Variants in RBBP8NL observed in about 807,000 individuals in gnomAD.
The protein encoded by RBBP8NL is RBBP8 N-terminal like, also known as RBBP8 N-terminal-like protein.
A neutral mutation model predicts 62.2 loss-of-function variants in RBBP8NL; 59 were observed. The observed-to-expected ratio is 0.95, with a 90% CI of 0.77 to 1.18. The LOEUF is 1.18. Ranked by LOEUF, RBBP8NL falls within the 50% of genes most tolerant of loss-of-function variation. The pLI is 0.00. For synonymous variants in RBBP8NL, 412 were observed against 394.1 expected, an observed-to-expected ratio of 1.05 and a Z score of -0.54; for missense variants, 896 against 899.5, an observed-to-expected ratio of 1.00 and a Z score of 0.05.
intron 5 of RBBP8NL, 40 bp from the exon 6 acceptor site, chr20:62,416,276 G>GGGGT: frequency 7.2e-7 from 1 of 1,381,144 alleles, no homozygotes; most frequent in Non-Finnish European, 1.0e-6. Context: ...CAGGGGTTGG[G>GGGGT]GGGGACAGGG....
chr20:62,415,697 G>A (rs750944905), intron 7 of RBBP8NL, 37 bp from the exon 8 acceptor site: 1 of 1,610,698 alleles, frequency 6.2e-7, no homozygotes, highest in Non-Finnish European at 8.5e-7. Flanking sequence ...AGCTTGGGAG[G>A]TGCTCAGAGG....
At chr20:62,416,271 G>A in intron 5 of RBBP8NL, 35 bp from the exon 6 acceptor site, 1 of 1,389,258 alleles carries the variant, frequency 7.2e-7, no homozygotes, top group Non-Finnish European at 1.0e-6. Flanking sequence ...GCAGCCAGGG[G>A]TTGGGGGGGA....
chr20:62,415,209 G>A lies in RBBP8NL; in HGVS notation c.706C>T (p.Arg236Ter), dbSNP rs1451924602. ...RPGSQACPADRGPANGTPPPL... is the reference protein window; with the variant it reads ...RPGSQACPAD ...GGGGGCGTCCCATTGGCGGGGCCTC[G>A]GTCGGCAGGGCAAGCCTGGGACCCA... The change falls in exon 9 of 14, where the codon CGA becomes TGA. Residue 236 changes from arginine to a stop codon, truncating the protein, a stop_gained. Coordinates refer to ENST00000252998, the MANE Select transcript of RBBP8NL (RefSeq NM_080833.3). LOFTEE classifies it high-confidence loss of function. The A allele has an allele frequency of 3.9e-6, 6 of 1,521,128 alleles. No homozygotes were observed. The African/African-American group carries it at 4.1e-5, about 10-fold the overall frequency. 94.2% of individuals were successfully genotyped at this position (1,521,128 alleles called of 1,614,324 possible). A position where few individuals can be genotyped will look rare whatever the true frequency, so the allele number is the denominator to read the frequency against.
chr20:62,426,092 C>T (rs1988801410), intron 1 of RBBP8NL, among the ~76,000 whole-genome samples: 3 of 151,530 alleles, frequency 2.0e-5, no homozygotes, highest in Admixed American at 2.0e-4. Context: ...GTGGAAGTAG[C>T]AGCGGCAGCG....
At chr20:62,415,734 A>G in intron 7 of RBBP8NL, 54 bp downstream of exon 7, 1 of 1,608,170 alleles carries the variant, frequency 6.2e-7, no homozygotes, top group East Asian at 2.2e-5. Flanking sequence ...CAGGGGGAGG[A>G]TCCCTGGTCC....
chr20:62,426,491 C>T (rs145453856), intron 1 of RBBP8NL, among the ~76,000 whole-genome samples: 91 of 152,388 alleles, frequency 6.0e-4, no homozygotes, highest in Admixed American at 4.9e-3. Context: ...CTGATTGTCT[C>T]ATTCTACAGG....
chr20:62,415,174 G>T lies in RBBP8NL; in HGVS notation c.741C>A (p.Pro247=). The T allele has an allele frequency of 2.0e-6, 3 of 1,522,814 alleles. No homozygotes were observed. The highest frequency in any genetic ancestry group is 2.6e-6 in the Non-Finnish European group (3 of 1,134,002). 94.3% of individuals were successfully genotyped at this position (1,522,814 alleles called of 1,614,324 possible). ...GPANGTPPPL[P]ARSSPPSPAY... is the part of the protein sequence containing the mutation. The stretch of plus-strand genomic sequence containing the variant: ...CTGGGCTGGGTGGGCTGCTCCTGGC[G>T]GGCAGTGGTGGGGGCGTCCCATTGG... Residue 247 remains proline (P), a synonymous_variant, in exon 9 of 14, where the codon CCC becomes CCA. Coordinates refer to ENST00000252998, the MANE Select transcript of RBBP8NL (RefSeq NM_080833.3).
intron 1 of RBBP8NL, among the ~76,000 whole-genome samples, chr20:62,422,675 G>A (rs1206756418): frequency 3.3e-5 from 5 of 151,660 alleles, no homozygotes; most frequent in Non-Finnish European, 4.4e-5. Context: ...GATGGGGACC[G>A]GGGTGGGGAT....
At position 62,423,874 on chromosome 20, in the gene RBBP8NL, G is replaced by A. The variant is rs187451992; in HGVS notation, c.-84+3586C>T. Among the ~76,000 whole-genome samples, 182 of 152,282 alleles carry A rather than the reference G, an allele frequency of 1.2e-3. 1 individual carries two copies. Among genetic ancestry groups the A allele is most frequent in the African/African-American group, 3.5e-3 (145 of 41,546 alleles). On this transcript the variant is annotated intron_variant, in intron 1 of 13. Coordinates refer to ENST00000252998, the MANE Select transcript of RBBP8NL (RefSeq NM_080833.3). ...TAGAAATTCACCCAGACCCGCACCCGCAGCCTTGAGCCAGGGGTCAGCAGC... is the reference window on the plus strand; with the variant it reads ...TAGAAATTCACCCAGACCCGCACCCACAGCCTTGAGCCAGGGGTCAGCAGC...
intron 10 of RBBP8NL, 61 bp from the exon 11 acceptor site, chr20:62,413,606 G>T: frequency 6.7e-7 from 1 of 1,492,178 alleles, no homozygotes; most frequent in Non-Finnish European, 8.9e-7. Context: ...CGCCAACTCA[G>T]CCCTGGACAG....
chr20:62,416,257 C>G (rs1988563555), intron 5 of RBBP8NL, 21 bp from the exon 6 acceptor site: 2 of 887,104 alleles, frequency 2.3e-6, no homozygotes. Flanking sequence ...CACTGATGAG[C>G]AAAGCAGCCA....
chr20:62,417,058 A>C (rs1279867864), intron 4 of RBBP8NL, among the ~76,000 whole-genome samples, 166 bp downstream of exon 4: 2 of 152,124 alleles, frequency 1.3e-5, no homozygotes, highest in Non-Finnish European at 2.9e-5. Context: ...AGAAATCTTG[A>C]AAATGCAATT....
chr20:62,424,089 G>T (rs1988759779), intron 1 of RBBP8NL, among the ~76,000 whole-genome samples: 2 of 151,700 alleles, frequency 1.3e-5, no homozygotes, highest in Admixed American at 1.3e-4. Context: ...CTGGGCTGAG[G>T]CTCATGGGGG....
In RBBP8NL at chr20:62,415,573, C is replaced by T. The variant is rs1435530995; in HGVS notation, c.627+5G>A. The T allele has an allele frequency of 1.6e-5, 26 of 1,612,612 alleles. No homozygotes were observed. The East Asian group carries it at 5.8e-4, about 36-fold the overall frequency. On this transcript the variant is annotated splice_donor_5th_base_variant and intron_variant, in intron 8 of 13. Transcript: ENST00000252998. Reference sequence around the variant, plus strand: ...ACATGGTGGGCTCCCGGTCCCTGCCCTTACCATGTCTGGGGCTCGCGACTC... The same window carrying T: ...ACATGGTGGGCTCCCGGTCCCTGCCTTTACCATGTCTGGGGCTCGCGACTC...
chr20:62,424,281 T>A (rs554432017), intron 1 of RBBP8NL, among the ~76,000 whole-genome samples: 2 of 149,394 alleles, frequency 1.3e-5, no homozygotes, highest in South Asian at 4.5e-4. Flanking sequence ...CACCTGCTGC[T>A]TGCAGCTGGG....
In RBBP8NL at chr20:62,414,542, G is replaced by A; in HGVS notation, c.809C>T (p.Ser270Phe). 7.0e-7 allele frequency: 1 copy of A among 1,426,648 alleles called. No individual in the cohort carries two copies. Among genetic ancestry groups the A allele is most frequent in the South Asian group, 1.6e-5 (1 of 60,764 alleles). 88.4% of individuals were successfully genotyped at this position (1,426,648 alleles called of 1,614,324 possible). Reference protein sequence around the residue: ...GLSLDSFLRASRPSAMTHEAP... With the variant: ...GLSLDSFLRAFRPSAMTHEAP... ...CTCATGGGTCATGGCGGAGGGCCGG[G>A]AGGCCCGCAGGAAGCTGTGAGGGAG... The change falls in exon 10 of 14, where the codon TCC (serine) becomes TTC (phenylalanine). Residue 270 changes from serine (S) to phenylalanine (F), a missense_variant. Transcript: ENST00000252998.
intron 11 of RBBP8NL, 79 bp downstream of exon 11, chr20:62,413,322 G>C: frequency 7.3e-7 from 1 of 1,367,308 alleles, no homozygotes; most frequent in Non-Finnish European, 9.4e-7. Context: ...CCCACTCCTG[G>C]TGGGCACTGA....
chr20:62,416,890 C>T lies in RBBP8NL; in HGVS notation c.201-18G>A. ...CCCGCAGCCTGCAGGGATGGGGACG[C>T]AGGGGGTGTGAGGGATGGCACGGAA... On this transcript the variant is annotated intron_variant, in intron 4 of 13. Coordinates refer to ENST00000252998, the MANE Select transcript of RBBP8NL (RefSeq NM_080833.3). 6.5e-7 allele frequency: 1 copy of T among 1,533,306 alleles called. No homozygotes were observed. Among genetic ancestry groups the T allele is most frequent in the Non-Finnish European group, 8.8e-7 (1 of 1,137,290 alleles). The allele number at this position is 1,533,306 out of a possible 1,614,324, so 95.0% of individuals were successfully genotyped here.
chr20:62,422,253 G>C (rs1179270469), intron 1 of RBBP8NL, among the ~76,000 whole-genome samples: 1 of 152,166 alleles, frequency 6.6e-6, no homozygotes, highest in Non-Finnish European at 1.5e-5. Flanking sequence ...AGACGCCCAC[G>C]TGAGGGTCCT....
Sources: allele counts gnomAD v4.1 joint callset (sites outside exome capture counted in the v4.1 genomes callset), GRCh38; gene constraint gnomAD v4.1.1; transcripts MANE v1.5; gene names NCBI Gene and HGNC (gene_info 2026-07-23, HGNC 2026-07-21).